The following PLD5 variants were observed in gnomAD, a reference collection of about 807,000 sequenced individuals.
The protein encoded by PLD5 is phospholipase D family member 5.
Under a neutral mutation model 61.1 loss-of-function variants are expected in PLD5, and 36 were observed. That is an observed-to-expected ratio of 0.59 (90% CI 0.45 to 0.78). The LOEUF is 0.78. Among genes scored for constraint, PLD5 ranks in the 30% least tolerant of loss-of-function variants. The probability of loss-of-function intolerance (pLI) is 0.00; values close to 1 mark genes in which losing one functional copy is unlikely to be tolerated. For synonymous variants in PLD5, 243 were observed against 242.8 expected, an observed-to-expected ratio of 1.00 and a Z score of -0.01; for missense variants, 515 against 644.4, an observed-to-expected ratio of 0.80 and a Z score of 2.17.
At chr1:242,177,417 T>A (rs1667228887) in intron 5 of PLD5, among the ~76,000 whole-genome samples, 1 of 151,736 alleles carries the variant, frequency 6.6e-6, no homozygotes, top group East Asian at 1.9e-4. Flanking sequence ...GCCTGTTGGG[T>A]GGTAGGGGGC....
chr1:242,305,841 A>G (rs963077960), intron 2 of PLD5, among the ~76,000 whole-genome samples: 7 of 152,110 alleles, frequency 4.6e-5, no homozygotes, highest in African/African-American at 1.7e-4. Context: ...CCATTTCTAT[A>G]TAGTATTTTG....
intron 6 of PLD5, among the ~76,000 whole-genome samples, chr1:242,119,160 G>C (rs548816091): frequency 1.3e-5 from 2 of 152,224 alleles, no homozygotes; most frequent in Admixed American, 6.5e-5. Context: ...TAGATCAGTA[G>C]GCACCATATG....
chr1:242,408,465 T>A (rs1486389135), intron 1 of PLD5, among the ~76,000 whole-genome samples: 1 of 152,192 alleles, frequency 6.6e-6, no homozygotes, highest in East Asian at 1.9e-4. Flanking sequence ...TTTAGCACCA[T>A]CCTGTTGGTG....
chr1:242,486,051 T>C (rs1423106757), intron 1 of PLD5, among the ~76,000 whole-genome samples: 3 of 151,974 alleles, frequency 2.0e-5, no homozygotes, highest in African/African-American at 4.8e-5. Flanking sequence ...TTACACCTTA[T>C]ACAAAAATTA....
At chr1:242,424,863 G>C (rs1665332437) in intron 1 of PLD5, among the ~76,000 whole-genome samples, 1 of 152,172 alleles carries the variant, frequency 6.6e-6, no homozygotes, top group African/African-American at 2.4e-5. Context: ...CGGGCGTGGT[G>C]GCTCACACCT....
At chr1:242,158,471 G>A (rs1433085233) in intron 5 of PLD5, among the ~76,000 whole-genome samples, 1 of 152,106 alleles carries the variant, frequency 6.6e-6, no homozygotes, top group Non-Finnish European at 1.5e-5. Context: ...CCTGGTCTGC[G>A]GGTTGCGAAG....
At chr1:242,214,871 CTTTTTT>C (rs71570942) in intron 5 of PLD5, among the ~76,000 whole-genome samples, 14 of 92,458 alleles carry the variant, frequency 1.5e-4, no homozygotes, top group African/African-American at 6.9e-4. Context: ...CATTAAACAC[CTTTTTT>C]TTTTTTTTTT....
At position 242,394,727 on chromosome 1, in the gene PLD5, C is replaced by T. The variant is rs190321414; in HGVS notation, c.190-46485G>A. Among the ~76,000 whole-genome samples, 8 of 19,852 alleles carry T rather than the reference C, an allele frequency of 4.0e-4. 1 individual carries two copies. Among genetic ancestry groups the T allele is most frequent in the African/African-American group, 1.1e-3 (3 of 2,768 alleles). The allele number at this position is 19,852 out of a possible 152,430, so 13.0% of individuals were successfully genotyped here. ...GAACATATATGTGTATATATGTGAACATATATGTGTATATATGTGAACATA... is the reference window on the plus strand; with the variant it reads ...GAACATATATGTGTATATATGTGAATATATATGTGTATATATGTGAACATA... On this transcript the variant is annotated intron_variant, in intron 1 of 9. Coordinates refer to ENST00000536534, the MANE Select transcript of PLD5 (RefSeq NM_001372062.1).
intron 4 of PLD5, among the ~76,000 whole-genome samples, chr1:242,249,162 G>A (rs928449289): frequency 6.6e-6 from 1 of 152,070 alleles, no homozygotes; most frequent in African/African-American, 2.4e-5. Flanking sequence ...TAGTATTGTT[G>A]GCCCCACTGT....
At chr1:242,231,247 G>A (rs1574569435) in intron 4 of PLD5, among the ~76,000 whole-genome samples, 1 of 152,096 alleles carries the variant, frequency 6.6e-6, no homozygotes, top group Non-Finnish European at 1.5e-5. Context: ...CCTCCTCCCT[G>A]TTGAGGTCAC....
intron 1 of PLD5, among the ~76,000 whole-genome samples, chr1:242,516,296 T>C (rs906444595): frequency 4.1e-5 from 6 of 146,060 alleles, no homozygotes; most frequent in Non-Finnish European, 7.4e-5. Context: ...TCTTCTACTT[T>C]GTGACTTGTC....
In PLD5 at chr1:242,303,960, C is replaced by T. The variant is rs185873440; in HGVS notation, c.327-15430G>A. On this transcript the variant is annotated intron_variant, in intron 2 of 9. Transcript: ENST00000536534. ...CCCATTATTTGCAAATTCTTTTTTGCCCACCATGGGCTCTGTCAAATTGAC... is the reference window on the plus strand; with the variant it reads ...CCCATTATTTGCAAATTCTTTTTTGTCCACCATGGGCTCTGTCAAATTGAC... 5.9e-3 allele frequency among the ~76,000 whole-genome samples: 904 copies of T among 152,168 alleles called. 7 individuals are homozygous for T. The highest frequency in any genetic ancestry group is 8.8e-3 in the Non-Finnish European group (596 of 68,018).
At chr1:242,433,740 T>C (rs1665846857) in intron 1 of PLD5, among the ~76,000 whole-genome samples, 1 of 152,038 alleles carries the variant, frequency 6.6e-6, no homozygotes, top group Admixed American at 6.6e-5. Context: ...AAGCAGGGTA[T>C]GGGGAGGGGG....
intron 2 of PLD5, among the ~76,000 whole-genome samples, chr1:242,327,378 T>C (rs1054594817): frequency 1.3e-5 from 2 of 152,178 alleles, no homozygotes; most frequent in African/African-American, 4.8e-5. Context: ...CTTCAGTAAA[T>C]GAGTAAATAG....
At chr1:242,480,335 C>T (rs2102961334) in intron 1 of PLD5, among the ~76,000 whole-genome samples, 1 of 152,226 alleles carries the variant, frequency 6.6e-6, no homozygotes, top group Middle Eastern at 3.4e-3. Context: ...ACTTTAAACC[C>T]TATCTCACAT....
chr1:242,158,477 C>T lies in PLD5; in HGVS notation c.736-33812G>A, dbSNP rs961693514. Among the ~76,000 whole-genome samples, 5 of 152,102 alleles carry T rather than the reference C, an allele frequency of 3.3e-5. No individual in the cohort carries two copies. The South Asian group carries it at 6.2e-4, about 19-fold the overall frequency. ...AGGGAATCTCCTGGTCTGCGGGTTG[C>T]GAAGACCATGCATGGGAAAACCACA... On this transcript the variant is annotated intron_variant, in intron 5 of 9. Coordinates refer to ENST00000536534, the MANE Select transcript of PLD5 (RefSeq NM_001372062.1).
At chr1:242,465,114 T>A (rs577012315) in intron 1 of PLD5, among the ~76,000 whole-genome samples, 1 of 152,210 alleles carries the variant, frequency 6.6e-6, no homozygotes, top group African/African-American at 2.4e-5. Context: ...TGCCACTGAA[T>A]TGTACATTGA....
At chr1:242,230,788 G>A (rs1574568513) in intron 4 of PLD5, among the ~76,000 whole-genome samples, 1 of 152,200 alleles carries the variant, frequency 6.6e-6, no homozygotes, top group Non-Finnish European at 1.5e-5. Flanking sequence ...TGAAAACTAT[G>A]TTGTAGAATC....
At chr1:242,148,635 A>T (rs894444772) in intron 5 of PLD5, among the ~76,000 whole-genome samples, 1 of 151,990 alleles carries the variant, frequency 6.6e-6, no homozygotes, top group South Asian at 2.1e-4. Context: ...TAATATCTCC[A>T]TTTTAAAGTC....
Sources: allele counts gnomAD v4.1 joint callset (sites outside exome capture counted in the v4.1 genomes callset), GRCh38; gene constraint gnomAD v4.1.1; transcripts MANE v1.5; gene names NCBI Gene and HGNC (gene_info 2026-07-23, HGNC 2026-07-21).